AGBL4: variants seen among roughly 807,000 people sequenced by gnomAD.
AGBL4 encodes cytosolic carboxypeptidase 6.
A neutral mutation model predicts 66.4 loss-of-function variants in AGBL4; 58 were observed. That is an observed-to-expected ratio of 0.87 (90% confidence interval 0.71 to 1.09). AGBL4 has a LOEUF of 1.09. Among genes scored for constraint, AGBL4 ranks in the 50% least tolerant of loss-of-function variants. The probability of loss-of-function intolerance (pLI) is 0.00; values close to 1 mark genes in which losing one functional copy is unlikely to be tolerated. For missense variants in AGBL4, 579 were observed against 631.0 expected (o/e 0.92, Z 0.88); for synonymous variants, 234 against 222.9 (o/e 1.05, Z -0.44).
intron 5 of AGBL4, among the ~76,000 whole-genome samples, chr1:48,959,300 C>T (rs1483583730): frequency 1.3e-5 from 2 of 152,104 alleles, no homozygotes; most frequent in African/African-American, 4.8e-5. Flanking sequence ...TTCACAAACT[C>T]CCTGAATCAT....
chr1:48,951,668 C>G (rs1486085786), intron 5 of AGBL4, among the ~76,000 whole-genome samples: 1 of 152,136 alleles, frequency 6.6e-6, no homozygotes, highest in Non-Finnish European at 1.5e-5. Flanking sequence ...CTCAACATTA[C>G]CCATCATGCT....
At chr1:49,257,476 A>T (rs1034114155) in intron 3 of AGBL4, 1 of 153,052 alleles carries the variant, frequency 6.5e-6, no homozygotes, top group Non-Finnish European at 1.5e-5. Flanking sequence ...TCTCCTAGCC[A>T]GGTGCGGGAT....
chr1:49,063,656 T>G (rs1313871581), intron 4 of AGBL4, among the ~76,000 whole-genome samples: 2 of 152,070 alleles, frequency 1.3e-5, no homozygotes, highest in African/African-American at 4.8e-5. Context: ...TGACAAGTGA[T>G]ATGAGGGGAA....
intron 5 of AGBL4, among the ~76,000 whole-genome samples, chr1:48,900,575 C>A (rs1651987911): frequency 6.6e-6 from 1 of 152,036 alleles, no homozygotes; most frequent in Non-Finnish European, 1.5e-5. Context: ...AGAAATAGAC[C>A]CACACATATA....
chr1:49,372,621 TTCTTTCTTTCTTTC>T (rs1557878365), intron 3 of AGBL4, among the ~76,000 whole-genome samples: 2 of 86,582 alleles, frequency 2.3e-5, no homozygotes, highest in Non-Finnish European at 4.8e-5. Context: ...CTTTCTTTCT[TTCTTTCTTTCTTTC>T]TTTCTTTCTT....
chr1:48,800,378 A>T (rs1031906463), intron 6 of AGBL4, among the ~76,000 whole-genome samples: 3 of 152,144 alleles, frequency 2.0e-5, no homozygotes, highest in Admixed American at 1.3e-4. Flanking sequence ...GCTTATTTGG[A>T]TCATCTCTGT....
At chr1:49,708,745 C>T (rs1647398886) in intron 2 of AGBL4, among the ~76,000 whole-genome samples, 1 of 152,102 alleles carries the variant, frequency 6.6e-6, no homozygotes, top group African/African-American at 2.4e-5. Flanking sequence ...TTTGCATGGG[C>T]ATCCTTTATG....
At chr1:48,804,456 G>A (rs1045077306) in intron 6 of AGBL4, among the ~76,000 whole-genome samples, 8 of 152,126 alleles carry the variant, frequency 5.3e-5, no homozygotes, top group South Asian at 2.1e-4. Flanking sequence ...GCAGTTATTC[G>A]CTGGTCAAGT....
intron 4 of AGBL4, among the ~76,000 whole-genome samples, chr1:49,236,799 T>C (rs1650785437): frequency 6.6e-6 from 1 of 152,144 alleles, no homozygotes; most frequent in African/African-American, 2.4e-5. Context: ...GCTACCCCTT[T>C]ATAGTCAGTG....
intron 3 of AGBL4, among the ~76,000 whole-genome samples, chr1:49,259,242 C>T (rs1304700884): frequency 6.6e-6 from 1 of 151,972 alleles, no homozygotes; most frequent in Non-Finnish European, 1.5e-5. Flanking sequence ...GAAGAAACTG[C>T]ATCAACTAAT....
At chr1:49,094,463 G>C (rs1645056054) in intron 4 of AGBL4, among the ~76,000 whole-genome samples, 1 of 152,008 alleles carries the variant, frequency 6.6e-6, no homozygotes, top group African/African-American at 2.4e-5. Flanking sequence ...TTTTGTCGTT[G>C]GTTCTGTTTA....
chr1:49,788,214 G>A (rs1314383791), intron 2 of AGBL4, among the ~76,000 whole-genome samples: 1 of 152,042 alleles, frequency 6.6e-6, no homozygotes, highest in Non-Finnish European at 1.5e-5. Context: ...CCAAGTTACA[G>A]ACACTTGGAA....
intron 5 of AGBL4, among the ~76,000 whole-genome samples, chr1:49,043,312 CT>C (rs1643993281): frequency 6.6e-6 from 1 of 152,046 alleles, no homozygotes; most frequent in Admixed American, 6.6e-5. Context: ...CCAATATGGA[CT>C]CCTAGAAGGA....
chr1:49,714,412 A>G (rs1008239789), intron 2 of AGBL4, among the ~76,000 whole-genome samples: 2 of 151,836 alleles, frequency 1.3e-5, no homozygotes, highest in African/African-American at 2.4e-5. Flanking sequence ...GAGAATGTCC[A>G]TGTATACACA....
chr1:49,950,428 G>T (rs997936804), intron 1 of AGBL4, among the ~76,000 whole-genome samples: 1 of 151,216 alleles, frequency 6.6e-6, no homozygotes, highest in Non-Finnish European at 1.5e-5. Context: ...AAAGGGTGAG[G>T]GATAAAAGAC....
At chr1:49,926,428 A>G (rs1652780700) in intron 1 of AGBL4, among the ~76,000 whole-genome samples, 1 of 152,220 alleles carries the variant, frequency 6.6e-6, no homozygotes, top group African/African-American at 2.4e-5. Context: ...AAGGAGGAGT[A>G]CAAATAAGCC....
intron 4 of AGBL4, among the ~76,000 whole-genome samples, chr1:49,070,290 A>C (rs1380901532): frequency 1.3e-5 from 2 of 151,848 alleles, no homozygotes; most frequent in African/African-American, 4.9e-5. Flanking sequence ...TGGTGAGAGA[A>C]GGTATCATTG....
Position 49,874,530 on chromosome 1 carries a change from A to C in AGBL4, c.35-23012T>G, listed in dbSNP as rs181027471. 1.2e-4 allele frequency among the ~76,000 whole-genome samples: 18 copies of C among 152,264 alleles called. No individual in the cohort carries two copies. The East Asian group carries it at 3.5e-3, about 29-fold the overall frequency. ...TAATCCATTGTAATGTCATAGAATT[A>C]AGTCTACTTATTATATGTAAAATTA... On this transcript the variant is annotated intron_variant, in intron 1 of 13. Coordinates refer to ENST00000371839, the MANE Select transcript of AGBL4 (RefSeq NM_032785.4).
At chr1:48,669,909 C>A (rs1570195407) in intron 6 of AGBL4, among the ~76,000 whole-genome samples, 1 of 152,278 alleles carries the variant, frequency 6.6e-6, no homozygotes, top group Non-Finnish European at 1.5e-5. Context: ...CCTCCACACC[C>A]CCATTCCCTC....
Sources: gnomAD v4.1 joint callset for allele counts (sites outside exome capture counted in the v4.1 genomes callset) on GRCh38, gnomAD v4.1.1 for gene constraint, MANE v1.5 for transcripts, NCBI Gene and HGNC (gene_info 2026-07-23, HGNC 2026-07-21) for gene names.